Variants in MALRD1 observed in about 807,000 individuals in gnomAD.
MALRD1 encodes the protein MAM and LDL-receptor class A domain-containing protein 1.
MALRD1 carries 247 observed loss-of-function variants against 242.1 expected under a neutral mutation model. The observed-to-expected ratio is 1.02, with a 90% confidence interval of 0.92 to 1.13. The LOEUF (loss-of-function observed/expected upper bound fraction) is 1.13, where lower values mean the gene tolerates loss of function less well. Among genes scored for constraint, MALRD1 ranks in the 50% most tolerant of loss-of-function variants. The pLI is 0.00. For missense variants in MALRD1, 2,989 were observed against 2,533.1 expected, an observed-to-expected ratio of 1.18 and a Z score of -3.86; for synonymous variants, 995 against 866.6, an observed-to-expected ratio of 1.15 and a Z score of -2.60.
At chr10:19,180,162 A>G (rs780472397) in intron 14 of MALRD1, among the ~76,000 whole-genome samples, 1 of 152,212 alleles carries the variant, frequency 6.6e-6, no homozygotes, top group African/African-American at 2.4e-5. Flanking sequence ...CAGTGGAGGA[A>G]CACAGACATT....
At chr10:19,699,954 C>T (rs1197901370) in intron 38 of MALRD1, among the ~76,000 whole-genome samples, 1 of 151,192 alleles carries the variant, frequency 6.6e-6, no homozygotes, top group Non-Finnish European at 1.5e-5. Context: ...AATAACCAAA[C>T]TATTAATATA....
chr10:19,313,538 A>G (rs1015687120), intron 21 of MALRD1, among the ~76,000 whole-genome samples: 2 of 151,480 alleles, frequency 1.3e-5, no homozygotes, highest in Non-Finnish European at 3.0e-5. Context: ...ACAAAAATTT[A>G]GGGTAATTGA....
chr10:19,572,651 T>C (rs1407708137), intron 33 of MALRD1, among the ~76,000 whole-genome samples: 2 of 152,172 alleles, frequency 1.3e-5, no homozygotes, highest in Non-Finnish European at 2.9e-5. Flanking sequence ...CATTTAGAAA[T>C]AGGGCCTTTG....
intron 36 of MALRD1, among the ~76,000 whole-genome samples, chr10:19,669,085 A>G (rs1411843659): frequency 2.6e-5 from 4 of 152,226 alleles, no homozygotes; most frequent in Admixed American, 6.5e-5. Context: ...AGATTCATGA[A>G]TACTGAAAGA....
intron 35 of MALRD1, among the ~76,000 whole-genome samples, chr10:19,609,275 T>C (rs1364020032): frequency 1.3e-5 from 2 of 151,986 alleles, no homozygotes; most frequent in Non-Finnish European, 2.9e-5. Flanking sequence ...AGATATTGGG[T>C]TAGAGTAAAA....
intron 13 of MALRD1, among the ~76,000 whole-genome samples, chr10:19,167,819 G>A (rs1166855838): frequency 1.3e-5 from 2 of 152,212 alleles, no homozygotes; most frequent in East Asian, 3.9e-4. Flanking sequence ...ATGGAGTGAG[G>A]GGTAAGTAAC....
chr10:19,438,657 A>G lies in MALRD1; in HGVS notation c.4846-11650A>G, dbSNP rs142582522. Among the ~76,000 whole-genome samples the G allele has an allele frequency of 3.9e-4, 59 of 152,238 alleles. No individual in the cohort carries two copies. The East Asian group carries it at 8.9e-3, about 23-fold the overall frequency. On this transcript the variant is annotated intron_variant, in intron 28 of 39. Transcript: ENST00000454679. ...TTCCTATTTCTTTGCCTCTTCACCA[A>G]CACTTGTTATTTTGTTTTATAGTAG...
intron 16 of MALRD1, among the ~76,000 whole-genome samples, 175 bp from the exon 17 acceptor site, chr10:19,204,723 T>C (rs749655828): frequency 2.6e-5 from 4 of 152,148 alleles, no homozygotes; most frequent in Non-Finnish European, 4.4e-5. Flanking sequence ...AACCACAGAG[T>C]GTGTGCCTCA....
intron 14 of MALRD1, among the ~76,000 whole-genome samples, chr10:19,186,119 T>C (rs1189614681): frequency 6.6e-6 from 1 of 152,212 alleles, no homozygotes; most frequent in Non-Finnish European, 1.5e-5. Flanking sequence ...AATTATTATC[T>C]TCCCCTTTTA....
intron 38 of MALRD1, among the ~76,000 whole-genome samples, chr10:19,709,724 A>G (rs1198292553): frequency 6.6e-6 from 1 of 152,152 alleles, no homozygotes; most frequent in African/African-American, 2.4e-5. Flanking sequence ...TTTGCATTAC[A>G]ACTCCCTGAA....
chr10:19,526,935 T>C (rs1834128193), intron 31 of MALRD1, among the ~76,000 whole-genome samples: 1 of 152,090 alleles, frequency 6.6e-6, no homozygotes, highest in East Asian at 1.9e-4. Context: ...AAATGTAGAA[T>C]AGGAAAGAAG....
intron 7 of MALRD1, among the ~76,000 whole-genome samples, chr10:19,125,374 TTTCTTTCCTTCCTTCC>T (rs1837246968): frequency 9.5e-6 from 1 of 105,576 alleles, no homozygotes; most frequent in Non-Finnish European, 1.9e-5. Context: ...TCTTTCTTTC[TTTCTTTCCTTCCTTCC>T]TTCCTTCCTT....
At chr10:19,104,909 A>T (rs1836410695) in intron 5 of MALRD1, among the ~76,000 whole-genome samples, 1 of 151,998 alleles carries the variant, frequency 6.6e-6, no homozygotes, top group South Asian at 2.1e-4. Flanking sequence ...TTGACACATA[A>T]TTGTATATAT....
intron 36 of MALRD1, among the ~76,000 whole-genome samples, chr10:19,623,364 A>T (rs1206336898): frequency 1.3e-5 from 2 of 152,144 alleles, no homozygotes; most frequent in African/African-American, 4.8e-5. Flanking sequence ...TAAAATATAG[A>T]GAATGATGCT....
In MALRD1 at chr10:19,186,725, C is replaced by T. The variant is rs76226122; in HGVS notation, c.1951+11397C>T. ...TGGGATATTATTTTTTTGACAAGAT[C>T]GTTGTTCTTCTTCACTCTTAAAATT... is the stretch of plus-strand genomic sequence containing the variant. On this transcript the variant is annotated intron_variant, in intron 14 of 39. Coordinates refer to ENST00000454679, the MANE Select transcript of MALRD1 (RefSeq NM_001142308.3). Among the ~76,000 whole-genome samples, 2,346 of 151,972 alleles carry T rather than the reference C, an allele frequency of 0.015. 103 individuals are homozygous for T. In the East Asian group the frequency reaches 0.18, roughly 12 times the overall value.
chr10:19,080,342 G>A (rs371496746), intron 2 of MALRD1, among the ~76,000 whole-genome samples: 1 of 151,908 alleles, frequency 6.6e-6, no homozygotes, highest in Non-Finnish European at 1.5e-5. Flanking sequence ...AAAACTGGAG[G>A]CATCATGCTA....
chr10:19,410,060 G>A (rs1021242171), intron 28 of MALRD1, among the ~76,000 whole-genome samples: 5 of 152,034 alleles, frequency 3.3e-5, no homozygotes, highest in African/African-American at 1.2e-4. Flanking sequence ...GACATTTCAG[G>A]TTTTAGTTAA....
rs556632573 is a variant in MALRD1, at chr10:19,168,971, GA to G, written c.1830+3170del. Among the ~76,000 whole-genome samples the G allele has an allele frequency of 5.3e-3, 794 of 150,980 alleles. 5 individuals carry two copies. Among genetic ancestry groups the G allele is most frequent in the Middle Eastern group, 0.017 (5 of 294 alleles). On this transcript the variant is annotated intron_variant, in intron 13 of 39. Transcript: ENST00000454679. Reference sequence around the variant, plus strand: ...CTACAGATGAGTAAAAGAAAAATAAGAAAAAAAAATTCCCTCACATTTCACT... The same window carrying G: ...CTACAGATGAGTAAAAGAAAAATAAGAAAAAAAATTCCCTCACATTTCACT...
intron 21 of MALRD1, among the ~76,000 whole-genome samples, chr10:19,320,461 A>C (rs969950897): frequency 6.6e-6 from 1 of 151,988 alleles, no homozygotes; most frequent in African/African-American, 2.4e-5. Context: ...TTCTTTATCC[A>C]GTCTATCATT....
Sources: allele counts gnomAD v4.1 joint callset (sites outside exome capture counted in the v4.1 genomes callset), GRCh38; gene constraint gnomAD v4.1.1; transcripts MANE v1.5; gene names NCBI Gene and HGNC (gene_info 2026-07-23, HGNC 2026-07-21).